The following TBC1D5 variants were observed in gnomAD, a reference collection of about 807,000 sequenced individuals.
The protein encoded by TBC1D5 is TBC1 domain family, member 5.
A neutral mutation model predicts 100.3 loss-of-function variants in TBC1D5; 75 were observed. The ratio of observed to expected loss-of-function variants is 0.75; its 90% CI spans 0.62 to 0.91. The LOEUF is 0.91. Ranked by LOEUF, TBC1D5 falls within the 40% of genes least tolerant of loss-of-function variation. The pLI is 0.00. For missense variants in TBC1D5, 910 were observed against 942.4 expected, an observed-to-expected ratio of 0.97 and a Z score of 0.45; for synonymous variants, 323 against 325.6, an observed-to-expected ratio of 0.99 and a Z score of 0.09.
At chr3:17,253,378 T>C (rs2077337861) in intron 16 of TBC1D5, among the ~76,000 whole-genome samples, 1 of 152,248 alleles carries the variant, frequency 6.6e-6, no homozygotes, top group South Asian at 2.1e-4. Flanking sequence ...ACAACTAAAG[T>C]GCTCTTTCTG....
chr3:17,601,958 T>C (rs2060982344), intron 2 of TBC1D5, among the ~76,000 whole-genome samples: 1 of 152,082 alleles, frequency 6.6e-6, no homozygotes, highest in African/African-American at 2.4e-5. Context: ...GCCTCCTGAG[T>C]AGCTGGGACT....
intron 19 of TBC1D5, among the ~76,000 whole-genome samples, chr3:17,183,114 C>T (rs577416860): frequency 1.3e-5 from 2 of 152,134 alleles, no homozygotes; most frequent in Non-Finnish European, 2.9e-5. Context: ...ACTCTCCCCC[C>T]AACTGGAGAG....
chr3:17,238,227 C>G (rs1329957985), exon 17 of TBC1D5: 2 of 1,613,986 alleles, frequency 1.2e-6, no homozygotes, highest in Non-Finnish European at 1.7e-6. Flanking sequence ...GTTGCTGTTG[C>G]AAGTGATGGC....
At chr3:17,605,724 CAT>C (rs1361702653) in intron 2 of TBC1D5, among the ~76,000 whole-genome samples, 1 of 152,090 alleles carries the variant, frequency 6.6e-6, no homozygotes, top group Non-Finnish European at 1.5e-5. Context: ...AATATTAACA[CAT>C]ATATATTAAC....
intron 2 of TBC1D5, among the ~76,000 whole-genome samples, chr3:17,556,173 C>A (rs1284818775): frequency 1.3e-5 from 2 of 152,100 alleles, no homozygotes; most frequent in East Asian, 3.9e-4. Context: ...TACCACCACA[C>A]CTGGCTAGTT....
At chr3:17,541,826 A>G (rs1490707037) in intron 2 of TBC1D5, among the ~76,000 whole-genome samples, 1 of 152,204 alleles carries the variant, frequency 6.6e-6, no homozygotes, top group Non-Finnish European at 1.5e-5. Context: ...CAAGTCTTTC[A>G]CATATAGTAG....
intron 4 of TBC1D5, among the ~76,000 whole-genome samples, chr3:17,427,240 C>T (rs577915726): frequency 1.6e-4 from 24 of 152,020 alleles, no homozygotes; most frequent in African/African-American, 5.3e-4. Context: ...GAACATAAGC[C>T]TTTTGTAGTA....
At chr3:17,701,732 G>A (rs967624202) in intron 1 of TBC1D5, among the ~76,000 whole-genome samples, 7 of 152,108 alleles carry the variant, frequency 4.6e-5, no homozygotes, top group African/African-American at 1.7e-4. Flanking sequence ...GAAGGTCTGA[G>A]ATGCAAGAAA....
rs544235041 is a variant in TBC1D5, at chr3:17,500,990, G to C, written c.97+7484C>G. On this transcript the variant is annotated intron_variant, in intron 3 of 21. Coordinates refer to ENST00000253692, the Ensembl canonical transcript of TBC1D5. ...CTCTCGGATGTCACTTTGTCCTACT[G>C]TCATACCAGTTGAAAAATCTGTTTT... Among the ~76,000 whole-genome samples the C allele has an allele frequency of 2.7e-5, 4 of 149,316 alleles. 1 individual carries two copies. The highest frequency in any genetic ancestry group is 1.0e-4 in the African/African-American group (4 of 39,230).
chr3:17,214,246 A>G (rs1371599338), exon 18 of TBC1D5: 1 of 1,613,356 alleles, frequency 6.2e-7, no homozygotes, highest in South Asian at 1.1e-5. Context: ...GTGAGCGAGA[A>G]CGTGAGATGT....
intron 3 of TBC1D5, among the ~76,000 whole-genome samples, chr3:17,507,265 A>G (rs936454148): frequency 2.0e-5 from 3 of 152,220 alleles, no homozygotes; most frequent in Non-Finnish European, 4.4e-5. Flanking sequence ...GCACTGAGAT[A>G]TTAAAATAAC....
intron 2 of TBC1D5, among the ~76,000 whole-genome samples, chr3:17,519,469 C>A (rs543422584): frequency 1.5e-4 from 23 of 152,280 alleles, no homozygotes; most frequent in African/African-American, 5.5e-4. Context: ...AGTCACTCTT[C>A]CCCAACATGC....
rs551480566 is a variant in TBC1D5 at position 17,367,900 on chromosome 3, T to C, written c.995+4175A>G. Among the ~76,000 whole-genome samples, 42 of 152,120 alleles carry C rather than the reference T, an allele frequency of 2.8e-4. No individual in the cohort carries two copies. In the South Asian group the frequency reaches 3.1e-3, roughly 11 times the overall value. On this transcript the variant is annotated intron_variant, in intron 13 of 21. Transcript: ENST00000253692. ...AGATGTTAATTATTTATTCGAATTA[T>C]AGTAAGAGAAACTTCATTCTATGTG...
chr3:17,496,908 C>G (rs1196400851), intron 3 of TBC1D5, among the ~76,000 whole-genome samples: 1 of 152,134 alleles, frequency 6.6e-6, no homozygotes, highest in Admixed American at 6.5e-5. Context: ...TTACAAAAAC[C>G]TTCTACCTGG....
chr3:17,495,815 C>G (rs1215289574), intron 3 of TBC1D5, among the ~76,000 whole-genome samples: 1 of 152,192 alleles, frequency 6.6e-6, no homozygotes, highest in African/African-American at 2.4e-5. Flanking sequence ...CATTACATTC[C>G]TCTCCATAAG....
chr3:17,281,876 A>T (rs1160976967), intron 15 of TBC1D5, among the ~76,000 whole-genome samples: 2 of 152,186 alleles, frequency 1.3e-5, no homozygotes, highest in East Asian at 1.9e-4. Flanking sequence ...CCACTATATT[A>T]AAAAAAGTGA....
chr3:17,461,246 G>A (rs1423902712), intron 3 of TBC1D5, among the ~76,000 whole-genome samples: 1 of 152,118 alleles, frequency 6.6e-6, no homozygotes, highest in Non-Finnish European at 1.5e-5. Flanking sequence ...AATTGTTCAT[G>A]TTTTCTTTAC....
Position 17,475,183 on chromosome 3 carries a change from C to A in TBC1D5, c.97+33291G>T, listed in dbSNP as rs568739845. On this transcript the variant is annotated intron_variant, in intron 3 of 21. Coordinates refer to ENST00000253692, the Ensembl canonical transcript of TBC1D5. ...CCGGTGGTTCTACCTTGCCCCGCCC[C>A]ACCCGTTTATATATTCCCAAATCTA... Among the ~76,000 whole-genome samples, 11 of 151,812 alleles carry A rather than the reference C, an allele frequency of 7.2e-5. No homozygotes were observed. The South Asian group carries it at 1.3e-3, about 17-fold the overall frequency.
At chr3:17,365,085 G>A (rs1215934596) in intron 13 of TBC1D5, among the ~76,000 whole-genome samples, 1 of 152,022 alleles carries the variant, frequency 6.6e-6, no homozygotes, top group Non-Finnish European at 1.5e-5. Flanking sequence ...GTAGACTTAA[G>A]ATACAAATAA....
Sources: gnomAD v4.1 joint callset for allele counts (sites outside exome capture counted in the v4.1 genomes callset) on GRCh38, gnomAD v4.1.1 for gene constraint, MANE v1.5 for transcripts, NCBI Gene and HGNC (gene_info 2026-07-23, HGNC 2026-07-21) for gene names.